The following ZNF804A variants were observed in gnomAD, a reference collection of about 807,000 sequenced individuals.
The protein encoded by ZNF804A is zinc finger protein 804A.
Under a neutral mutation model 16.5 loss-of-function variants are expected in ZNF804A, and 2 were observed. The ratio of observed to expected loss-of-function variants is 0.12; its 90% CI spans 0.05 to 0.38. The LOEUF (loss-of-function observed/expected upper bound fraction) is 0.38, where lower values mean the gene tolerates loss of function less well. ZNF804A is among the 10% of genes least tolerant of loss of function. The probability of loss-of-function intolerance (pLI) is 0.99; values close to 1 mark genes in which losing one functional copy is unlikely to be tolerated. For missense variants in ZNF804A, 1,473 were observed against 1,390.7 expected (o/e 1.06, Z -0.94); for synonymous variants, 534 against 489.6 (o/e 1.09, Z -1.20).
intron 1 of ZNF804A, among the ~76,000 whole-genome samples, chr2:184,680,974 C>T (rs1392177307): frequency 6.6e-6 from 1 of 152,242 alleles, no homozygotes; most frequent in Non-Finnish European, 1.5e-5. Flanking sequence ...GCTGCAGCCT[C>T]ATAGGGAGCC....
At chr2:184,760,723 T>G (rs949219821) in intron 1 of ZNF804A, among the ~76,000 whole-genome samples, 2 of 152,130 alleles carry the variant, frequency 1.3e-5, no homozygotes, top group Non-Finnish European at 2.9e-5. Flanking sequence ...GGAATAAAGA[T>G]GATTGGGGAT....
At chr2:184,770,759 A>T (rs891545335) in intron 1 of ZNF804A, among the ~76,000 whole-genome samples, 3 of 152,030 alleles carry the variant, frequency 2.0e-5, no homozygotes, top group Non-Finnish European at 4.4e-5. Flanking sequence ...AATCAAAACT[A>T]TCTGAAATGT....
chr2:184,681,726 G>A (rs1249978284), intron 1 of ZNF804A, among the ~76,000 whole-genome samples: 3 of 152,204 alleles, frequency 2.0e-5, no homozygotes, highest in Non-Finnish European at 2.9e-5. Flanking sequence ...CATATAGCTA[G>A]CAGGGGCCAG....
intron 1 of ZNF804A, among the ~76,000 whole-genome samples, chr2:184,684,851 C>A (rs927677814): frequency 1.5e-4 from 23 of 152,116 alleles, no homozygotes; most frequent in African/African-American, 5.3e-4. Context: ...GGATTATGAC[C>A]TCTAGCTCTG....
At chr2:184,889,319 T>C (rs984235194) in intron 2 of ZNF804A, among the ~76,000 whole-genome samples, 4 of 151,436 alleles carry the variant, frequency 2.6e-5, no homozygotes, top group Non-Finnish European at 5.9e-5. Flanking sequence ...CTTTGTTTTA[T>C]AAAATGTACG....
chr2:184,677,219 T>TA (rs1419451150), intron 1 of ZNF804A, among the ~76,000 whole-genome samples: 1 of 151,970 alleles, frequency 6.6e-6, no homozygotes, highest in Admixed American at 6.6e-5. Flanking sequence ...AGGTTTCAGG[T>TA]AGTTGATTCA....
chr2:184,776,822 G>T (rs1694291482), intron 1 of ZNF804A, among the ~76,000 whole-genome samples: 1 of 151,506 alleles, frequency 6.6e-6, no homozygotes, highest in Non-Finnish European at 1.5e-5. Flanking sequence ...ACCCTCTTCA[G>T]ACTGGTTTGA....
At chr2:184,631,288 A>G (rs1340520344) in intron 1 of ZNF804A, among the ~76,000 whole-genome samples, 5 of 152,158 alleles carry the variant, frequency 3.3e-5, no homozygotes, top group Non-Finnish European at 7.4e-5. Context: ...GTCCCCCAGC[A>G]AAAATAAAAG....
In ZNF804A at chr2:184,813,584, C is replaced by A. The variant is rs570626086; in HGVS notation, c.112-52785C>A. Among the ~76,000 whole-genome samples, 8 of 152,084 alleles carry A rather than the reference C, an allele frequency of 5.3e-5. No individual in the cohort carries two copies. The South Asian group carries it at 1.7e-3, about 32-fold the overall frequency. On this transcript the variant is annotated intron_variant, in intron 1 of 3. Transcript: ENST00000302277. ...CAGAATATAAGGGCAAGGCAGAGAT[C>A]CTTTCTATTCTAATTGAATAGAAAT...
At chr2:184,898,390 C>T (rs1685123081) in intron 2 of ZNF804A, among the ~76,000 whole-genome samples, 1 of 136,090 alleles carries the variant, frequency 7.3e-6, no homozygotes, top group Admixed American at 6.9e-5. Flanking sequence ...ACTTGGAAGT[C>T]TGTGGTAAAA....
At chr2:184,854,109 AT>A (rs1695650017) in intron 1 of ZNF804A, among the ~76,000 whole-genome samples, 1 of 151,854 alleles carries the variant, frequency 6.6e-6, no homozygotes, top group Non-Finnish European at 1.5e-5. Flanking sequence ...CCTACTCATT[AT>A]TGGCCTGTTC....
intron 1 of ZNF804A, among the ~76,000 whole-genome samples, chr2:184,657,273 A>G (rs1217983586): frequency 6.6e-6 from 1 of 151,974 alleles, no homozygotes; most frequent in Non-Finnish European, 1.5e-5. Context: ...TTTGGTAGAG[A>G]TGGGGTTTTC....
intron 1 of ZNF804A, among the ~76,000 whole-genome samples, chr2:184,746,438 A>G (rs1441658761): frequency 6.6e-6 from 1 of 151,516 alleles, no homozygotes; most frequent in Admixed American, 6.6e-5. Flanking sequence ...GTAGGTGTAT[A>G]TATTTATAAG....
At position 184,937,812 on chromosome 2, in the gene ZNF804A, T is replaced by C; in HGVS notation, c.2416T>C (p.Cys806Arg). The change falls in exon 4 of 4, where the codon TGC (cysteine) becomes CGC (arginine). Residue 806 changes from cysteine (C) to arginine (R), a missense_variant. Transcript: ENST00000302277. Reference sequence around the variant, plus strand: ...GCCACCAAGTACTTCAGTTGCTCCCTGCAAGCCTAAAAAGAAACGGAGGCG... The same window carrying C: ...GCCACCAAGTACTTCAGTTGCTCCCCGCAAGCCTAAAAAGAAACGGAGGCG... ...LRPPSTSVAP[C>R]KPKKKRRRKR... The C allele has an allele frequency of 6.2e-7, 1 of 1,614,110 alleles. No individual in the cohort carries two copies. The highest frequency in any genetic ancestry group is 8.5e-7 in the Non-Finnish European group (1 of 1,179,992).
chr2:184,789,386 C>A (rs567920373), intron 1 of ZNF804A, among the ~76,000 whole-genome samples: 2 of 151,966 alleles, frequency 1.3e-5, no homozygotes, highest in African/African-American at 4.8e-5. Flanking sequence ...CTTGATTTTT[C>A]GGAATAGTTT....
chr2:184,811,698 T>C (rs1233083938), intron 1 of ZNF804A, among the ~76,000 whole-genome samples: 2 of 152,104 alleles, frequency 1.3e-5, no homozygotes, highest in Non-Finnish European at 2.9e-5. Context: ...AACTCCATCC[T>C]GGGCAACATA....
At chr2:184,763,632 T>C (rs1340321923) in intron 1 of ZNF804A, among the ~76,000 whole-genome samples, 14 of 11,632 alleles carry the variant, frequency 1.2e-3, no homozygotes, top group South Asian at 2.2e-3. Flanking sequence ...TCAAAGTGCT[T>C]TTTTTTTTTT....
At chr2:184,664,287 T>C (rs1692223497) in intron 1 of ZNF804A, among the ~76,000 whole-genome samples, 1 of 152,184 alleles carries the variant, frequency 6.6e-6, no homozygotes, top group Admixed American at 6.5e-5. Flanking sequence ...CAGAAATTTT[T>C]ATGGAACTAT....
intron 1 of ZNF804A, among the ~76,000 whole-genome samples, chr2:184,768,922 T>A (rs2105767458): frequency 6.6e-6 from 1 of 152,232 alleles, no homozygotes; most frequent in East Asian, 1.9e-4. Context: ...CTCATCTTAA[T>A]CACCCTCTTT....
Sources: gnomAD v4.1 joint callset for allele counts (sites outside exome capture counted in the v4.1 genomes callset) on GRCh38, gnomAD v4.1.1 for gene constraint, MANE v1.5 for transcripts, NCBI Gene and HGNC (gene_info 2026-07-23, HGNC 2026-07-21) for gene names.